Variants in B4GALT6 observed in about 807,000 individuals in gnomAD.
B4GALT6 encodes the protein beta-1,4-galactosyltransferase 6.
In B4GALT6, 14 loss-of-function variants were observed where a neutral mutation model predicts 46.3. The observed-to-expected ratio is 0.30, with a 90% CI of 0.20 to 0.47. The LOEUF is 0.47. Ranked by LOEUF, B4GALT6 falls within the 20% of genes least tolerant of loss-of-function variation. The pLI, the probability that B4GALT6 is intolerant of heterozygous loss-of-function variation, is 0.99. For synonymous variants in B4GALT6, 168 were observed against 162.0 expected, an observed-to-expected ratio of 1.04 and a Z score of -0.28; for missense variants, 386 against 480.1, an observed-to-expected ratio of 0.80 and a Z score of 1.83.
the B4GALT6 span, among the ~76,000 whole-genome samples, chr18:31,706,583 A>G: frequency 5.3e-5 from 8 of 152,296 alleles, 2 homozygotes; most frequent in Admixed American, 5.2e-4. Context: ...GTGAGCTGAG[A>G]TGGCGCCACT....
chr18:31,721,010 T>C, the B4GALT6 span, among the ~76,000 whole-genome samples: 1 of 152,194 alleles, frequency 6.6e-6, no homozygotes, highest in Non-Finnish European at 1.5e-5. Flanking sequence ...CACTGGTTCA[T>C]TCGTGGAGAC....
intron 1 of B4GALT6, among the ~76,000 whole-genome samples, chr18:31,667,111 T>C (rs1033308042): frequency 3.3e-5 from 5 of 152,186 alleles, no homozygotes; most frequent in Admixed American, 3.3e-4. Context: ...TCCCTAACTT[T>C]TGAGATGTCC....
chr18:31,674,389 G>A (rs554990924), intron 1 of B4GALT6, among the ~76,000 whole-genome samples: 135 of 152,250 alleles, frequency 8.9e-4, no homozygotes, highest in Non-Finnish European at 1.7e-3. Context: ...GAACATATGA[G>A]AGATAAACCA....
intron 4 of B4GALT6, among the ~76,000 whole-genome samples, chr18:31,641,838 A>C (rs1378628009): frequency 6.6e-6 from 1 of 152,182 alleles, no homozygotes; most frequent in Non-Finnish European, 1.5e-5. Flanking sequence ...TATATACACC[A>C]TGAGGAGAAC....
chr18:31,671,190 A>G (rs1369931300), intron 1 of B4GALT6, among the ~76,000 whole-genome samples: 1 of 152,146 alleles, frequency 6.6e-6, no homozygotes, highest in Non-Finnish European at 1.5e-5. Flanking sequence ...TATTGTGAAC[A>G]GTGTCACAAT....
chr18:31,688,470 T>C (rs2030006278), upstream of B4GALT6, among the ~76,000 whole-genome samples: 1 of 151,960 alleles, frequency 6.6e-6, no homozygotes, highest in Non-Finnish European at 1.5e-5. Context: ...AATAATTCTA[T>C]ATATATGAAA....
chr18:31,702,228 A>T, the B4GALT6 span, among the ~76,000 whole-genome samples: 1 of 152,262 alleles, frequency 6.6e-6, no homozygotes, highest in Admixed American at 6.5e-5. Context: ...GTCAGTACTT[A>T]TTAATGTTTC....
chr18:31,673,393 G>A (rs900305107), intron 1 of B4GALT6, among the ~76,000 whole-genome samples: 1 of 152,174 alleles, frequency 6.6e-6, no homozygotes, highest in African/African-American at 2.4e-5. Context: ...AGAGGTGCAA[G>A]GGAGAGCAGG....
chr18:31,657,941 G>C (rs753655835), intron 3 of B4GALT6, 35 bp downstream of exon 3: 9 of 1,531,104 alleles, frequency 5.9e-6, no homozygotes, highest in African/African-American at 1.4e-5. Flanking sequence ...TGTAACACAA[G>C]TAAACAGTTA....
At chr18:31,717,171 T>C in the B4GALT6 span, among the ~76,000 whole-genome samples, 53 of 152,142 alleles carry the variant, frequency 3.5e-4, no homozygotes, top group Non-Finnish European at 7.4e-5. Flanking sequence ...AAAATGGAAA[T>C]AATCCAAATG....
the B4GALT6 span, among the ~76,000 whole-genome samples, chr18:31,696,336 A>T: frequency 1.3e-5 from 2 of 152,178 alleles, no homozygotes; most frequent in Non-Finnish European, 2.9e-5. Flanking sequence ...AATAGAAAAA[A>T]GTTCAAAAAT....
chr18:31,706,689 C>T, the B4GALT6 span, among the ~76,000 whole-genome samples: 13,213 of 152,144 alleles, frequency 0.087, 641 homozygotes, highest in Non-Finnish European at 0.097. Context: ...CTCTTCATTT[C>T]CATAATTTTA....
At chr18:31,717,329 G>T in the B4GALT6 span, among the ~76,000 whole-genome samples, 1 of 152,088 alleles carries the variant, frequency 6.6e-6, no homozygotes, top group Non-Finnish European at 1.5e-5. Context: ...AATAGCAGTT[G>T]TCTCTTTGAA....
At chr18:31,692,949 T>C in the B4GALT6 span, among the ~76,000 whole-genome samples, 1 of 152,212 alleles carries the variant, frequency 6.6e-6, no homozygotes, top group African/African-American at 2.4e-5. Flanking sequence ...AGATGTAATA[T>C]AGGTATTGTA....
chr18:31,640,886 G>A (rs777030552), intron 4 of B4GALT6, among the ~76,000 whole-genome samples: 26 of 152,214 alleles, frequency 1.7e-4, no homozygotes, highest in Non-Finnish European at 2.9e-4. Flanking sequence ...TTTACTTTTA[G>A]GATGGAAAAG....
chr18:31,636,941 T>C (rs1317202721), intron 5 of B4GALT6, among the ~76,000 whole-genome samples: 3 of 152,164 alleles, frequency 2.0e-5, no homozygotes, highest in African/African-American at 7.2e-5. Context: ...CTGCCTCAGC[T>C]TCCCAAGTAG....
chr18:31,662,621 C>G (rs774640049), intron 2 of B4GALT6, among the ~76,000 whole-genome samples: 1 of 152,090 alleles, frequency 6.6e-6, no homozygotes, highest in East Asian at 1.9e-4. Context: ...AAGGGTGGAC[C>G]ACAAGGTCAG....
At chr18:31,648,978 A>T (rs1321792964) in intron 3 of B4GALT6, among the ~76,000 whole-genome samples, 1 of 152,190 alleles carries the variant, frequency 6.6e-6, no homozygotes, top group Non-Finnish European at 1.5e-5. Context: ...CAGCTCAAAG[A>T]GCTGATGACA....
chr18:31,651,922 C>T (rs2074074401), intron 3 of B4GALT6, among the ~76,000 whole-genome samples: 1 of 152,156 alleles, frequency 6.6e-6, no homozygotes, highest in Non-Finnish European at 1.5e-5. Flanking sequence ...AGGCGCCCGC[C>T]ACCACGCCCA....
Sources: gnomAD v4.1 joint callset for allele counts (sites outside exome capture counted in the v4.1 genomes callset) on GRCh38, gnomAD v4.1.1 for gene constraint, MANE v1.5 for transcripts, NCBI Gene and HGNC (gene_info 2026-07-23, HGNC 2026-07-21) for gene names.